The following HGD variants were observed in gnomAD, a reference collection of about 807,000 sequenced individuals.
The protein encoded by HGD is homogentisate 1,2-dioxygenase.
A neutral mutation model predicts 60.8 loss-of-function variants in HGD; 61 were observed. The observed-to-expected ratio is 1.00, with a 90% CI of 0.82 to 1.24. The LOEUF is 1.24. Among genes scored for constraint, HGD ranks in the 50% most tolerant of loss-of-function variants. The probability of loss-of-function intolerance (pLI) is 0.00; values close to 1 mark genes in which losing one functional copy is unlikely to be tolerated. For missense variants in HGD, 542 were observed against 547.1 expected, an observed-to-expected ratio of 0.99 and a Z score of 0.09; for synonymous variants, 212 against 187.7, an observed-to-expected ratio of 1.13 and a Z score of -1.06.
intron 4 of HGD, among the ~76,000 whole-genome samples, chr3:120,662,101 G>A (rs1707785484): frequency 6.6e-6 from 1 of 152,202 alleles, no homozygotes; most frequent in Non-Finnish European, 1.5e-5. Flanking sequence ...TAGTGTGACT[G>A]ATAGGTAGGG....
At chr3:120,636,280 CAA>C (rs371412566) in intron 12 of HGD, among the ~76,000 whole-genome samples, 21 of 116,980 alleles carry the variant, frequency 1.8e-4, no homozygotes, top group Non-Finnish European at 2.4e-4. Flanking sequence ...GACCCTGTCT[CAA>C]AAAAAAAAAA....
intron 4 of HGD, among the ~76,000 whole-genome samples, chr3:120,658,324 C>A (rs1244888176): frequency 6.6e-6 from 1 of 152,188 alleles, no homozygotes; most frequent in Non-Finnish European, 1.5e-5. Flanking sequence ...GAGAAATTGG[C>A]CAGAACAAAG....
In HGD at chr3:120,654,336, T is replaced by C. The variant is rs138523422; in HGVS notation, c.283-1685A>G. 5.6e-3 allele frequency among the ~76,000 whole-genome samples: 856 copies of C among 152,284 alleles called. 5 individuals carry two copies. The highest frequency in any genetic ancestry group is 0.034 in the Middle Eastern group (10 of 294). On this transcript the variant is annotated intron_variant, in intron 4 of 13. Coordinates refer to ENST00000283871, the MANE Select transcript of HGD (RefSeq NM_000187.4). ...CTCATGAGAATCACATGGAGAGCCT[T>C]TGAGACCAAGACCAAATTAAATCAG...
intron 6 of HGD, among the ~76,000 whole-genome samples, chr3:120,649,601 T>G (rs1941275346): frequency 6.6e-6 from 1 of 152,196 alleles, no homozygotes. Flanking sequence ...CTGTCATTTT[T>G]GTGCATAAAT....
chr3:120,656,065 C>A (rs763120464), intron 4 of HGD, among the ~76,000 whole-genome samples: 2 of 152,114 alleles, frequency 1.3e-5, no homozygotes, highest in Admixed American at 6.6e-5. Flanking sequence ...AAATGTGGGG[C>A]CCTAATCTGA....
intron 6 of HGD, among the ~76,000 whole-genome samples, chr3:120,648,393 G>A (rs185835260): frequency 2.0e-5 from 3 of 152,328 alleles, no homozygotes; most frequent in Admixed American, 2.0e-4. Flanking sequence ...GAGGTGGCCT[G>A]ATATGAGATT....
rs1160955523 is a variant in HGD, at chr3:120,649,147, T to C, written c.435-1236A>G. Among the ~76,000 whole-genome samples, 37 of 144,436 alleles carry C rather than the reference T, an allele frequency of 2.6e-4. 1 individual carries two copies. The highest frequency in any genetic ancestry group is 1.6e-3 in the South Asian group (7 of 4,254). 94.8% of individuals were successfully genotyped at this position (144,436 alleles called of 152,430 possible). On this transcript the variant is annotated intron_variant, in intron 6 of 13. Transcript: ENST00000283871. ...GTCTTTTTCTTCTTTTTCTTTTTTT[T>C]TTTTTTTTTTTTTGAGATGGAGTCT...
chr3:120,629,459 G>A (rs531211405), intron 13 of HGD, among the ~76,000 whole-genome samples: 5 of 152,262 alleles, frequency 3.3e-5, no homozygotes, highest in South Asian at 4.2e-4. Flanking sequence ...TATGAGTATC[G>A]CTGCCTGATT....
chr3:120,669,718 T>C (rs1707983261), intron 4 of HGD, among the ~76,000 whole-genome samples: 1 of 152,172 alleles, frequency 6.6e-6, no homozygotes. Flanking sequence ...ACTTTCCTTT[T>C]TCTGTCCATA....
At chr3:120,657,827 G>C (rs1363216750) in intron 4 of HGD, among the ~76,000 whole-genome samples, 2 of 149,324 alleles carry the variant, frequency 1.3e-5, no homozygotes, top group Non-Finnish European at 3.0e-5. Context: ...GTGAGAGAGA[G>C]AGAGAGAGAG....
rs139440856 is a variant in HGD at position 120,669,139 on chromosome 3, C to T, written c.282+1288G>A. ...AGACTGTGATAGTGATCTGTGACCA[C>T]AATAGACTTGCATAATTCAGCCCAG... On this transcript the variant is annotated intron_variant, in intron 4 of 13. Coordinates refer to ENST00000283871, the MANE Select transcript of HGD (RefSeq NM_000187.4). Among the ~76,000 whole-genome samples the T allele has an allele frequency of 5.8e-3, 889 of 152,238 alleles. 12 individuals are homozygous for T. The highest frequency in any genetic ancestry group is 0.02 in the African/African-American group (849 of 41,542).
At chr3:120,655,725 T>G (rs1941475573) in intron 4 of HGD, among the ~76,000 whole-genome samples, 1 of 152,206 alleles carries the variant, frequency 6.6e-6, no homozygotes, top group Non-Finnish European at 1.5e-5. Flanking sequence ...GAGCAGTAAC[T>G]CTCTGAGCCA....
At chr3:120,636,425 T>A (rs1013632834) in intron 12 of HGD, among the ~76,000 whole-genome samples, 3 of 152,192 alleles carry the variant, frequency 2.0e-5, no homozygotes, top group Non-Finnish European at 4.4e-5. Flanking sequence ...TCCAGCTGAC[T>A]GTGACACATG....
intron 4 of HGD, among the ~76,000 whole-genome samples, chr3:120,653,978 TGGG>T (rs917150646): frequency 6.6e-6 from 1 of 152,128 alleles, no homozygotes; most frequent in African/African-American, 2.4e-5. Flanking sequence ...AAACATCACT[TGGG>T]GGAAATTTTC....
chr3:120,672,186 A>G (rs1708038454), intron 3 of HGD, among the ~76,000 whole-genome samples: 1 of 152,220 alleles, frequency 6.6e-6, no homozygotes, highest in Non-Finnish European at 1.5e-5. Flanking sequence ...CTCTAAAATT[A>G]TAAGAGTGTA....
intron 6 of HGD, among the ~76,000 whole-genome samples, chr3:120,649,267 T>C (rs2107515925): frequency 6.6e-6 from 1 of 151,102 alleles, no homozygotes; most frequent in Non-Finnish European, 1.5e-5. Flanking sequence ...TTCAGCCTCC[T>C]GAGTAGCTGG....
chr3:120,633,533 G>A (rs1204627783), intron 12 of HGD: 4 of 1,495,666 alleles, frequency 2.7e-6, no homozygotes, highest in Non-Finnish European at 3.6e-6. Context: ...TCTACTCCAT[G>A]GCCATGTGGA....
Position 120,647,930 on chromosome 3 carries a change from T to A in HGD, c.435-19A>T. On this transcript the variant is annotated intron_variant, in intron 6 of 13. Coordinates refer to ENST00000283871, the MANE Select transcript of HGD (RefSeq NM_000187.4). The stretch of plus-strand genomic sequence containing the variant: ...AAAGCATCTGAAACATATAGAGTAA[T>A]TCTTGTGATTTTCAGTTTTAACATT... The A allele has an allele frequency of 6.3e-7, 1 of 1,593,632 alleles. No individual in the cohort carries two copies. Among genetic ancestry groups the A allele is most frequent in the Non-Finnish European group, 8.6e-7 (1 of 1,161,328 alleles).
Position 120,646,967 on chromosome 3 carries a change from A to T in HGD, c.549+6T>A. 2 of 1,611,600 alleles carry T rather than the reference A, an allele frequency of 1.2e-6. No individual in the cohort carries two copies. The highest frequency in any genetic ancestry group is 1.7e-6 in the Non-Finnish European group (2 of 1,177,688). On this transcript the variant is annotated splice_donor_region_variant and intron_variant, in intron 8 of 13. Coordinates refer to ENST00000283871, the MANE Select transcript of HGD (RefSeq NM_000187.4). ...GGCAGGGAAGAGAAGGGGACACATC[A>T]CCAACCTGAATGACGCAGATCTCAT... is the stretch of plus-strand genomic sequence containing the variant.
Sources: allele counts gnomAD v4.1 joint callset (sites outside exome capture counted in the v4.1 genomes callset), GRCh38; gene constraint gnomAD v4.1.1; transcripts MANE v1.5; gene names NCBI Gene and HGNC (gene_info 2026-07-23, HGNC 2026-07-21).